The following TTC28 variants were observed in gnomAD, a reference collection of about 807,000 sequenced individuals.
TTC28 encodes tetratricopeptide repeat protein 28.
In TTC28, 61 loss-of-function variants were observed where a neutral mutation model predicts 198.0. The observed-to-expected ratio is 0.31, with a 90% CI of 0.25 to 0.38. The LOEUF is 0.38. TTC28 is among the 10% of genes least tolerant of loss of function. The probability of loss-of-function intolerance (pLI) is 1.00; values close to 1 mark genes in which losing one functional copy is unlikely to be tolerated. For synonymous variants in TTC28, 1,171 were observed against 1,297.8 expected (o/e 0.90, Z 2.10); for missense variants, 2,678 against 3,164.0 (o/e 0.85, Z 3.69).
intron 5 of TTC28, among the ~76,000 whole-genome samples, chr22:28,170,284 G>A (rs972818371): frequency 2.0e-5 from 3 of 151,854 alleles, no homozygotes; most frequent in Non-Finnish European, 4.4e-5. Flanking sequence ...TCAGGAGGTC[G>A]AGACCATCCT....
chr22:28,208,773 G>C (rs1046599481), intron 5 of TTC28, among the ~76,000 whole-genome samples: 1 of 151,978 alleles, frequency 6.6e-6, no homozygotes, highest in African/African-American at 2.4e-5. Flanking sequence ...GAAAAGTTGT[G>C]GTCAACACCT....
intron 5 of TTC28, among the ~76,000 whole-genome samples, chr22:28,168,837 T>C (rs1601419902): frequency 6.6e-6 from 1 of 152,076 alleles, no homozygotes; most frequent in African/African-American, 2.4e-5. Flanking sequence ...CTAATTAAAC[T>C]AAAGAGCTTC....
rs558344418 is a variant in TTC28, at chr22:28,294,757, C to T, written c.933+1441G>A. On this transcript the variant is annotated intron_variant, in intron 5 of 22. Coordinates refer to ENST00000397906, the MANE Select transcript of TTC28 (RefSeq NM_001145418.2). ...CTAATTTTTGTATTTTAAGTAGAGA[C>T]GGGGTTTCACCATGTTGGCCAGGCT... is the stretch of plus-strand genomic sequence containing the variant. Among the ~76,000 whole-genome samples, 32 of 151,986 alleles carry T rather than the reference C, an allele frequency of 2.1e-4. 1 individual carries two copies. Among genetic ancestry groups the T allele is most frequent in the Admixed American group, 1.6e-3 (25 of 15,248 alleles).
At chr22:28,591,678 G>A (rs942866952) in intron 2 of TTC28, among the ~76,000 whole-genome samples, 3 of 152,122 alleles carry the variant, frequency 2.0e-5, no homozygotes, top group African/African-American at 7.2e-5. Flanking sequence ...TTATATAGAT[G>A]TAGTAAAACC....
At chr22:28,066,619 C>G (rs1387837708) in intron 12 of TTC28, among the ~76,000 whole-genome samples, 1 of 152,064 alleles carries the variant, frequency 6.6e-6, no homozygotes, top group African/African-American at 2.4e-5. Flanking sequence ...TTTATTTTCC[C>G]CTTAAAATAA....
chr22:28,498,363 G>T (rs2048487095), intron 2 of TTC28, among the ~76,000 whole-genome samples: 1 of 152,156 alleles, frequency 6.6e-6, no homozygotes, highest in Admixed American at 6.5e-5. Context: ...TGACAAAGTA[G>T]AAAAATTTAA....
intron 2 of TTC28, among the ~76,000 whole-genome samples, chr22:28,337,490 T>A (rs534590683): frequency 2.6e-5 from 4 of 152,294 alleles, no homozygotes; most frequent in South Asian, 2.1e-4. Flanking sequence ...TCTTTGTAGG[T>A]CTCTAAGGAC....
chr22:28,046,447 T>C (rs746992124), intron 12 of TTC28, among the ~76,000 whole-genome samples: 1 of 152,224 alleles, frequency 6.6e-6, no homozygotes, highest in Non-Finnish European at 1.5e-5. Flanking sequence ...GTTAAGTATT[T>C]GTGTATCTAA....
chr22:28,442,483 G>A (rs2047640564), intron 2 of TTC28, among the ~76,000 whole-genome samples: 2 of 152,354 alleles, frequency 1.3e-5, no homozygotes, highest in East Asian at 1.9e-4. Context: ...GGAAATAGGT[G>A]TTATAACACC....
intron 3 of TTC28, among the ~76,000 whole-genome samples, chr22:28,304,139 G>C (rs1482858944): frequency 2.0e-5 from 3 of 152,108 alleles, no homozygotes; most frequent in Non-Finnish European, 4.4e-5. Flanking sequence ...GAAAAAATTA[G>C]CCAGACGTGG....
At chr22:28,020,319 G>C (rs1482514926) in intron 13 of TTC28, among the ~76,000 whole-genome samples, 1 of 152,190 alleles carries the variant, frequency 6.6e-6, no homozygotes, top group African/African-American at 2.4e-5. Flanking sequence ...TGTCTTTATT[G>C]GTTTATTCTT....
In TTC28 at chr22:27,982,050, A is replaced by G; in HGVS notation, c.*171T>C. 1.6e-6 allele frequency: 1 copy of G among 613,500 alleles called. No individual in the cohort carries two copies. The highest frequency in any genetic ancestry group is 4.5e-5 in the South Asian group (1 of 22,302). 38.0% of individuals were successfully genotyped at this position (613,500 alleles called of 1,614,324 possible). ...GGCTTTTGGTGAATGTGGCCCAGAA[A>G]AGCCACCAGTGTGTGTGGCAGCCTT... On this transcript the variant is annotated 3_prime_UTR_variant, in exon 23 of 23. Coordinates refer to ENST00000397906, the MANE Select transcript of TTC28 (RefSeq NM_001145418.2). This position sits in a 1 kb window ranked among gnomAD's most constrained non-coding sequence, Gnocchi z 5.2.
intron 5 of TTC28, among the ~76,000 whole-genome samples, chr22:28,189,661 C>G (rs1924545343): frequency 6.6e-6 from 1 of 151,816 alleles, no homozygotes; most frequent in Admixed American, 6.5e-5. Flanking sequence ...AATTTGGCTT[C>G]TCAACAGTAA....
chr22:28,036,193 TC>T (rs1939336625), intron 12 of TTC28, among the ~76,000 whole-genome samples: 1 of 152,176 alleles, frequency 6.6e-6, no homozygotes, highest in Non-Finnish European at 1.5e-5. Context: ...TGTACATTCT[TC>T]TCAGCATCAC....
intron 13 of TTC28, among the ~76,000 whole-genome samples, chr22:28,025,294 T>C (rs963680405): frequency 6.6e-6 from 1 of 152,208 alleles, no homozygotes; most frequent in African/African-American, 2.4e-5. Context: ...CACAGCAGGA[T>C]TGATCTCGTC....
At chr22:28,158,512 T>C (rs1294136437) in intron 6 of TTC28, among the ~76,000 whole-genome samples, 1 of 152,180 alleles carries the variant, frequency 6.6e-6, no homozygotes, top group African/African-American at 2.4e-5. Context: ...GATTTCAAAT[T>C]ACACTACAAA....
At chr22:27,999,458 C>T in intron 15 of TTC28, 198 bp from the exon 16 acceptor site, 2 of 780,558 alleles carry the variant, frequency 2.6e-6, no homozygotes, top group Non-Finnish European at 4.0e-6. Context: ...ATCATGCCTG[C>T]TGTGATGAGC....
chr22:28,199,871 T>A (rs1014434935), intron 5 of TTC28, among the ~76,000 whole-genome samples: 1 of 152,066 alleles, frequency 6.6e-6, no homozygotes, highest in African/African-American at 2.4e-5. Flanking sequence ...ATTCATTTTA[T>A]CTGTAAAGTT....
chr22:28,161,255 A>G (rs1278828402), intron 6 of TTC28, among the ~76,000 whole-genome samples: 2 of 152,194 alleles, frequency 1.3e-5, no homozygotes, highest in Non-Finnish European at 2.9e-5. Flanking sequence ...AGAATCACCA[A>G]GTGCAGTGGC....
Sources: allele counts gnomAD v4.1 joint callset (sites outside exome capture counted in the v4.1 genomes callset), GRCh38; gene constraint gnomAD v4.1.1; non-coding constraint Gnocchi (gnomAD v3.1); transcripts MANE v1.5; gene names NCBI Gene and HGNC (gene_info 2026-07-23, HGNC 2026-07-21).